The following ZNF737 variants were observed in gnomAD, a reference collection of about 807,000 sequenced individuals.
ZNF737 encodes zinc finger protein 737.
ZNF737 carries 13 observed loss-of-function variants against 11.7 expected under a neutral mutation model. The observed-to-expected ratio is 1.11, with a 90% CI of 0.73 to 1.77. ZNF737 has a LOEUF of 1.77. Ranked by LOEUF, ZNF737 falls within the 40% of genes most tolerant of loss-of-function variation. The pLI, the probability that ZNF737 is intolerant of heterozygous loss-of-function variation, is 0.00. For synonymous variants in ZNF737, 217 were observed against 216.2 expected (o/e 1.00, Z -0.03); for missense variants, 636 against 638.0 (o/e 1.00, Z 0.03).
Position 20,541,883 on chromosome 19 carries a change from C to T in ZNF737, c.*2709G>A, listed in dbSNP as rs1475207617. On this transcript the variant is annotated 3_prime_UTR_variant, in exon 4 of 4. Transcript: ENST00000427401. The stretch of plus-strand genomic sequence containing the variant: ...TAGAGGTGATGGATACCTTATTTAC[C>T]ATAATGTAATTACTACATATTGTAG... 9.4e-6 allele frequency: 3 copies of T among 317,986 alleles called. No individual in the cohort carries two copies. The highest frequency in any genetic ancestry group is 9.1e-6 in the Non-Finnish European group (2 of 220,284). 19.7% of individuals were successfully genotyped at this position (317,986 alleles called of 1,614,324 possible).
At chr19:20,560,177 A>G (rs1969037372) in intron 1 of ZNF737, among the ~76,000 whole-genome samples, 1 of 148,836 alleles carries the variant, frequency 6.7e-6, no homozygotes. Flanking sequence ...CGTCTCAAAA[A>G]AAAAAAAAAA....
At chr19:20,536,971 C>T (rs1347747262), downstream of ZNF737, among the ~76,000 whole-genome samples, 3 of 151,386 alleles carry the variant, frequency 2.0e-5, no homozygotes, top group Non-Finnish European at 4.4e-5. Context: ...GGCGTGGTGG[C>T]GGGTGCCTGT....
At chr19:20,548,971 A>AAAAAAAAC (rs1968560778) in intron 3 of ZNF737, among the ~76,000 whole-genome samples, 4 of 118,082 alleles carry the variant, frequency 3.4e-5, no homozygotes, top group African/African-American at 1.3e-4. Flanking sequence ...TGAAAAAAAA[A>AAAAAAAAC]AAAAAAAAAC....
chr19:20,540,826 A>G lies in ZNF737; in HGVS notation c.*3766T>C. On this transcript the variant is annotated 3_prime_UTR_variant, in exon 4 of 4. Coordinates refer to ENST00000427401, the MANE Select transcript of ZNF737 (RefSeq NM_001159293.2). ...TAAACAAAGATATCAACTGGATATA[A>G]TAATTAACTACTTTTTAGTTTTATT... 2 of 921,928 alleles carry G rather than the reference A, an allele frequency of 2.2e-6. No individual in the cohort carries two copies. The highest frequency in any genetic ancestry group is 2.6e-6 in the Non-Finnish European group (2 of 772,346). 57.1% of individuals were successfully genotyped at this position (921,928 alleles called of 1,614,324 possible). A position where few individuals can be genotyped will look rare whatever the true frequency, so the allele number is the denominator to read the frequency against.
chr19:20,539,044 C>A lies in ZNF737; in HGVS notation c.*5548G>T. On this transcript the variant is annotated 3_prime_UTR_variant, in exon 4 of 4. Coordinates refer to ENST00000427401, the MANE Select transcript of ZNF737 (RefSeq NM_001159293.2). The stretch of plus-strand genomic sequence containing the variant: ...GGAAAAGTGGCTCATGCCTGTAATC[C>A]CAGCACTCTGGGAGGCTGAGGTGGA... The A allele has an allele frequency of 1.0e-6, 1 of 973,104 alleles. No individual in the cohort carries two copies. The highest frequency in any genetic ancestry group is 1.8e-5 in the African/African-American group (1 of 57,046). 60.3% of individuals were successfully genotyped at this position (973,104 alleles called of 1,614,324 possible). A position where few individuals can be genotyped will look rare whatever the true frequency, so the allele number is the denominator to read the frequency against.
chr19:20,546,111 C>T, intron 3 of ZNF737, 135 bp from the exon 4 acceptor site: 9 of 1,167,250 alleles, frequency 7.7e-6, no homozygotes, highest in Non-Finnish European at 1.1e-5. Flanking sequence ...GTAATTTCTT[C>T]CTGGATACAT....
chr19:20,551,709 G>A (rs1248430763), intron 3 of ZNF737, among the ~76,000 whole-genome samples: 1 of 150,372 alleles, frequency 6.7e-6, no homozygotes, highest in Non-Finnish European at 1.5e-5. Context: ...AAATTTCTGA[G>A]AAAAAAATTA....
intron 3 of ZNF737, among the ~76,000 whole-genome samples, chr19:20,549,050 C>G (rs547183225): frequency 7.0e-6 from 1 of 142,638 alleles, no homozygotes; most frequent in African/African-American, 2.6e-5. Flanking sequence ...AATATATATT[C>G]ATTGTTAAAC....
In ZNF737 at chr19:20,539,993, C is replaced by T. The variant is rs369735014; in HGVS notation, c.*4599G>A. The T allele has an allele frequency of 1.0e-5, 10 of 985,272 alleles. No homozygotes were observed. The highest frequency in any genetic ancestry group is 2.3e-4 in the East Asian group (2 of 8,820). The allele number at this position is 985,272 out of a possible 1,614,324, so 61.0% of individuals were successfully genotyped here. On this transcript the variant is annotated 3_prime_UTR_variant, in exon 4 of 4. Transcript: ENST00000427401. Reference sequence around the variant, plus strand: ...CCCATTAATGTGGACCTGTTGTGGTCTCCTGTTTCTCTTAAGCTATCCCAG... The same window carrying T: ...CCCATTAATGTGGACCTGTTGTGGTTTCCTGTTTCTCTTAAGCTATCCCAG...
chr19:20,547,011 C>T (rs191187186), intron 3 of ZNF737, among the ~76,000 whole-genome samples: 3 of 152,086 alleles, frequency 2.0e-5, no homozygotes, highest in Non-Finnish European at 4.4e-5. Flanking sequence ...ATATGAAATA[C>T]ACTCTACAAC....
rs144871839 is a variant in ZNF737, at chr19:20,538,759, T to G, written c.*5833A>C. 1 of 985,234 alleles carries G rather than the reference T, an allele frequency of 1.0e-6. No homozygotes were observed. The highest frequency in any genetic ancestry group is 6.1e-5 in the Admixed American group (1 of 16,262). 61.0% of individuals were successfully genotyped at this position (985,234 alleles called of 1,614,324 possible). A position where few individuals can be genotyped will look rare whatever the true frequency, so the allele number is the denominator to read the frequency against. On this transcript the variant is annotated 3_prime_UTR_variant, in exon 4 of 4. Transcript: ENST00000427401. ...ATCAATGCTTTCCACATGCACCCAA[T>G]AGAGTCTTAATTTAATTGGGCTGTT... is the stretch of plus-strand genomic sequence containing the variant.
rs551748831 is a variant in ZNF737 at position 20,544,658 on chromosome 19, G to A, written c.1545C>T (p.Gly515=). The change falls in exon 4 of 4, where the codon GGC becomes GGT. Residue 515 remains glycine (G), a synonymous_variant. Coordinates refer to ENST00000427401, the MANE Select transcript of ZNF737 (RefSeq NM_001159293.2). ...GGGTAGAGGGGCACTTAAAGCCTTTGCCACATTCTTCACATTTGTAGGGTT... is the reference window on the plus strand; with the variant it reads ...GGGTAGAGGGGCACTTAAAGCCTTTACCACATTCTTCACATTTGTAGGGTT... ...GEKPYKCEEC[G]KGFKCPSTLT... is the part of the protein sequence containing the mutation. The A allele has an allele frequency of 2.2e-5, 36 of 1,608,766 alleles. No individual in the cohort carries two copies. Among genetic ancestry groups the A allele is most frequent in the African/African-American group, 1.5e-4 (11 of 74,818 alleles).
Position 20,553,852 on chromosome 19 carries a change from A to G in ZNF737, c.4-17T>C. The G allele has an allele frequency of 6.2e-7, 1 of 1,604,274 alleles. No individual in the cohort carries two copies. Among genetic ancestry groups the G allele is most frequent in the Non-Finnish European group, 8.5e-7 (1 of 1,177,644 alleles). ...CAATGGCCCCTGAAACACACACACAACATACGTTTTTACCAAGTAGCCAAG... is the reference window on the plus strand; with the variant it reads ...CAATGGCCCCTGAAACACACACACAGCATACGTTTTTACCAAGTAGCCAAG... On this transcript the variant is annotated splice_polypyrimidine_tract_variant and intron_variant, in intron 1 of 3. Transcript: ENST00000427401.
In ZNF737 at chr19:20,540,149, C is replaced by T. The variant is rs1263276662; in HGVS notation, c.*4443G>A. ...GATGGCAAGATACAAACATTTTTCCCGCCATGTGGCCACCATAAGCAGCTT... is the reference window on the plus strand; with the variant it reads ...GATGGCAAGATACAAACATTTTTCCTGCCATGTGGCCACCATAAGCAGCTT... On this transcript the variant is annotated 3_prime_UTR_variant, in exon 4 of 4. Transcript: ENST00000427401. 2.6e-5 allele frequency: 26 copies of T among 985,308 alleles called. No homozygotes were observed. In the East Asian group the frequency reaches 5.7e-4, roughly 22 times the overall value. The allele number at this position is 985,308 out of a possible 1,614,324, so 61.0% of individuals were successfully genotyped here.
At chr19:20,537,968 AG>A (rs1555754252), downstream of ZNF737, 1 of 755,390 alleles carries the variant, frequency 1.3e-6, no homozygotes, top group African/African-American at 1.9e-5. Flanking sequence ...ATAATCTTTT[AG>A]TAAAAGCTTT....
At chr19:20,561,045 A>G (rs1328892315) in intron 1 of ZNF737, among the ~76,000 whole-genome samples, 4 of 152,154 alleles carry the variant, frequency 2.6e-5, no homozygotes, top group African/African-American at 9.7e-5. Context: ...GTGTACCCCA[A>G]AACAAAAATA....
At chr19:20,534,326 C>T (rs1967900877), downstream of ZNF737, among the ~76,000 whole-genome samples, 1 of 149,708 alleles carries the variant, frequency 6.7e-6, no homozygotes, top group Non-Finnish European at 1.5e-5. Flanking sequence ...CCTGTAATAC[C>T]AGGTACTGGG....
intron 1 of ZNF737, among the ~76,000 whole-genome samples, chr19:20,558,857 C>A (rs534948825): frequency 1.3e-5 from 2 of 152,316 alleles, no homozygotes; most frequent in African/African-American, 4.8e-5. Flanking sequence ...ACCAATGCAA[C>A]AGAATAGAGA....
At position 20,539,718 on chromosome 19, in the gene ZNF737, A is replaced by C. The variant is rs1968123378; in HGVS notation, c.*4874T>G. The C allele has an allele frequency of 1.0e-6, 1 of 980,976 alleles. No homozygotes were observed. The highest frequency in any genetic ancestry group is 1.2e-6 in the Non-Finnish European group (1 of 826,012). The allele number at this position is 980,976 out of a possible 1,614,324, so 60.8% of individuals were successfully genotyped here. On this transcript the variant is annotated 3_prime_UTR_variant, in exon 4 of 4. Coordinates refer to ENST00000427401, the MANE Select transcript of ZNF737 (RefSeq NM_001159293.2). ...GTTTTTAAGGTTTTTCAAATATGAA[A>C]ACAGACAATTAGGTATACTTTTTGA... is the stretch of plus-strand genomic sequence containing the variant.
Sources: gnomAD v4.1 joint callset for allele counts (sites outside exome capture counted in the v4.1 genomes callset) on GRCh38, gnomAD v4.1.1 for gene constraint, MANE v1.5 for transcripts, NCBI Gene and HGNC (gene_info 2026-07-23, HGNC 2026-07-21) for gene names.